The following BICC1 variants were observed in gnomAD, a reference collection of about 807,000 sequenced individuals.
BICC1 encodes BicC family RNA binding protein 1.
Under a neutral mutation model 111.0 loss-of-function variants are expected in BICC1, and 43 were observed. That is an observed-to-expected ratio of 0.39 (90% confidence interval 0.30 to 0.50). The LOEUF (loss-of-function observed/expected upper bound fraction) is 0.50. BICC1 is among the 20% of genes least tolerant of loss of function. BICC1 has a pLI of 0.88. For missense variants in BICC1, 1,091 were observed against 1,203.2 expected (o/e 0.91, Z 1.38); for synonymous variants, 467 against 434.4 (o/e 1.07, Z -0.93).
At chr10:58,824,469 C>T (rs754033277) in intron 20 of BICC1, among the ~76,000 whole-genome samples, 44 of 152,088 alleles carry the variant, frequency 2.9e-4, no homozygotes, top group Non-Finnish European at 4.7e-4. Flanking sequence ...TAGGGGCAGG[C>T]GTTTACATTT....
In BICC1 at chr10:58,702,793, A is replaced by G. The variant is rs888777059; in HGVS notation, c.307+650A>G. ...TTTTTAAAGTATGACCTTAGTCTCAACAAACTTTGTGGAGTATATTTCATT... is the reference window on the plus strand; with the variant it reads ...TTTTTAAAGTATGACCTTAGTCTCAGCAAACTTTGTGGAGTATATTTCATT... On this transcript the variant is annotated intron_variant, in intron 3 of 20. Coordinates refer to ENST00000373886, the MANE Select transcript of BICC1 (RefSeq NM_001080512.3). 3.1e-4 allele frequency among the ~76,000 whole-genome samples: 47 copies of G among 152,246 alleles called. 1 individual carries two copies. The highest frequency in any genetic ancestry group is 2.5e-4 in the Non-Finnish European group (17 of 68,040).
intron 3 of BICC1, among the ~76,000 whole-genome samples, chr10:58,779,414 G>A (rs1047314679): frequency 1.3e-5 from 2 of 152,196 alleles, no homozygotes; most frequent in Non-Finnish European, 2.9e-5. Context: ...TGCAAAATAA[G>A]AGGAAAGCCA....
intron 3 of BICC1, among the ~76,000 whole-genome samples, chr10:58,721,418 A>G (rs1036581905): frequency 6.6e-6 from 1 of 152,226 alleles, no homozygotes; most frequent in Non-Finnish European, 1.5e-5. Context: ...CCATGGAAAA[A>G]TGGAATTGGG....
intron 3 of BICC1, among the ~76,000 whole-genome samples, chr10:58,756,063 C>T (rs1427765444): frequency 6.6e-6 from 1 of 152,144 alleles, no homozygotes; most frequent in Non-Finnish European, 1.5e-5. Context: ...TCCTGGGAAC[C>T]TCACACCTCT....
chr10:58,687,373 G>A (rs1839768342), intron 2 of BICC1, among the ~76,000 whole-genome samples: 1 of 152,210 alleles, frequency 6.6e-6, no homozygotes, highest in African/African-American at 2.4e-5. Context: ...TCCATGCTGG[G>A]AGAACCACTA....
intron 3 of BICC1, among the ~76,000 whole-genome samples, chr10:58,776,026 A>G (rs894047752): frequency 6.6e-6 from 1 of 152,322 alleles, no homozygotes; most frequent in South Asian, 2.1e-4. Flanking sequence ...TGCCAGTCTC[A>G]AGTTGCTAAG....
At chr10:58,552,575 T>C (rs997320431) in intron 1 of BICC1, among the ~76,000 whole-genome samples, 1 of 152,154 alleles carries the variant, frequency 6.6e-6, no homozygotes, top group Non-Finnish European at 1.5e-5. Flanking sequence ...GACCTTGTGA[T>C]CCACCCGCCT....
chr10:58,661,346 G>T (rs1182186821), intron 2 of BICC1, among the ~76,000 whole-genome samples: 1 of 151,822 alleles, frequency 6.6e-6, no homozygotes, highest in Non-Finnish European at 1.5e-5. Flanking sequence ...CATTTTAAAG[G>T]CATCAGGCAT....
intron 3 of BICC1, among the ~76,000 whole-genome samples, chr10:58,773,896 G>A (rs1842682763): frequency 1.3e-5 from 2 of 152,264 alleles, no homozygotes; most frequent in African/African-American, 4.8e-5. Context: ...TTTTCTAAAT[G>A]TCCTTGTTTG....
At position 58,808,791 on chromosome 10, in the gene BICC1, C is replaced by T. The variant is rs546785627; in HGVS notation, c.2376+1633C>T. ...AGTGCAGTGGCACGATCTCGGCTCA[C>T]GGCAACCACCATCTCCTGGGTTCAG... On this transcript the variant is annotated intron_variant, in intron 17 of 20. Transcript: ENST00000373886. 5.3e-5 allele frequency among the ~76,000 whole-genome samples: 8 copies of T among 151,798 alleles called. No individual in the cohort carries two copies. In the East Asian group the frequency reaches 1.6e-3, roughly 29 times the overall value.
intron 2 of BICC1, among the ~76,000 whole-genome samples, chr10:58,697,893 C>T (rs544426401): frequency 6.6e-6 from 1 of 152,074 alleles, no homozygotes; most frequent in African/African-American, 2.4e-5. Context: ...CACCCACACC[C>T]CCTGTAGAGA....
intron 2 of BICC1, among the ~76,000 whole-genome samples, chr10:58,640,371 A>G (rs1427404458): frequency 1.3e-5 from 2 of 152,252 alleles, no homozygotes; most frequent in African/African-American, 4.8e-5. Context: ...TAGGGCTGTC[A>G]TGAAATGCAA....
chr10:58,544,277 T>A (rs1006940224), intron 1 of BICC1, among the ~76,000 whole-genome samples: 8 of 152,148 alleles, frequency 5.3e-5, no homozygotes, highest in Non-Finnish European at 1.0e-4. Context: ...AAAATAAATA[T>A]ACAAAATGGA....
chr10:58,652,040 CA>C (rs111395869), intron 2 of BICC1, among the ~76,000 whole-genome samples: 1,611 of 152,154 alleles, frequency 0.011, 30 homozygotes, highest in African/African-American at 0.037. Flanking sequence ...ATTTAAAGTT[CA>C]TATTTAATAG....
chr10:58,652,863 T>A (rs544850449), intron 2 of BICC1, among the ~76,000 whole-genome samples: 1 of 152,134 alleles, frequency 6.6e-6, no homozygotes, highest in East Asian at 1.9e-4. Flanking sequence ...AGAATTGGAG[T>A]TCAGTAAATG....
chr10:58,618,511 C>T (rs762654997), intron 1 of BICC1, among the ~76,000 whole-genome samples: 1 of 152,186 alleles, frequency 6.6e-6, no homozygotes, highest in Non-Finnish European at 1.5e-5. Context: ...CCACAGTTCA[C>T]GCCCAGGCTC....
At chr10:58,581,616 A>G (rs1844281806) in intron 1 of BICC1, among the ~76,000 whole-genome samples, 1 of 152,182 alleles carries the variant, frequency 6.6e-6, no homozygotes, top group South Asian at 2.1e-4. Flanking sequence ...ATCATACTGT[A>G]GTCTTAGTTA....
chr10:58,627,634 C>T (rs1837672008), intron 2 of BICC1, among the ~76,000 whole-genome samples: 1 of 152,160 alleles, frequency 6.6e-6, no homozygotes, highest in Non-Finnish European at 1.5e-5. Flanking sequence ...GTGGCATTAG[C>T]TGTTTGTGAG....
At chr10:58,728,992 A>G (rs1286118595) in intron 3 of BICC1, among the ~76,000 whole-genome samples, 3 of 152,202 alleles carry the variant, frequency 2.0e-5, no homozygotes, top group Admixed American at 1.3e-4. Context: ...TGTTACATTT[A>G]TAGAGAACAG....
Sources: gnomAD v4.1 joint callset for allele counts (sites outside exome capture counted in the v4.1 genomes callset) on GRCh38, gnomAD v4.1.1 for gene constraint, MANE v1.5 for transcripts, NCBI Gene and HGNC (gene_info 2026-07-23, HGNC 2026-07-21) for gene names.